The following DNER variants were observed in gnomAD, a reference collection of about 807,000 sequenced individuals.
The protein encoded by DNER is delta/notch like EGF repeat containing.
In DNER, 33 loss-of-function variants were observed where a neutral mutation model predicts 78.2. The observed-to-expected ratio is 0.42, with a 90% CI of 0.32 to 0.56. The LOEUF (loss-of-function observed/expected upper bound fraction) is 0.56. DNER is among the 20% of genes least tolerant of loss of function. DNER has a pLI of 0.11. For synonymous variants in DNER, 417 were observed against 384.8 expected (o/e 1.08, Z -0.98); for missense variants, 918 against 975.3 (o/e 0.94, Z 0.78).
intron 10 of DNER, among the ~76,000 whole-genome samples, chr2:229,395,227 G>T (rs1693109038): frequency 6.6e-6 from 1 of 152,206 alleles, no homozygotes. Flanking sequence ...CTTAGAGGTG[G>T]TTGATGGCAC....
chr2:229,528,288 T>C (rs557237783), intron 5 of DNER, among the ~76,000 whole-genome samples: 42 of 152,314 alleles, frequency 2.8e-4, no homozygotes, highest in African/African-American at 9.1e-4. Context: ...AAGGTGACTG[T>C]TGACGGAGGC....
chr2:229,492,933 A>G (rs1695431578), intron 6 of DNER, among the ~76,000 whole-genome samples: 1 of 152,132 alleles, frequency 6.6e-6, no homozygotes, highest in African/African-American at 2.4e-5. Context: ...AACTTCCCAA[A>G]GCGCTGGGAT....
rs1553541839 is a variant in DNER, at chr2:229,588,495, A to AG, written c.586-8dup. The AG allele has an allele frequency of 0.018, 22,595 of 1,268,396 alleles. 98 individuals carry two copies. The highest frequency in any genetic ancestry group is 0.022 in the Non-Finnish European group (20,230 of 936,446). 78.6% of individuals were successfully genotyped at this position (1,268,396 alleles called of 1,614,324 possible). On this transcript the variant is annotated splice_region_variant and splice_polypyrimidine_tract_variant and intron_variant, in intron 2 of 12. Transcript: ENST00000341772. ...AGGCAATATCTGGGATCACCTGGGA[A>AG]GGGAAAAAAAAAACGACATATGATT...
At chr2:229,541,179 C>T (rs1329673976) in intron 5 of DNER, among the ~76,000 whole-genome samples, 3 of 152,160 alleles carry the variant, frequency 2.0e-5, no homozygotes. Context: ...CCACAATCTG[C>T]TCTGGCATCA....
At chr2:229,574,043 G>A (rs761520240) in intron 4 of DNER, among the ~76,000 whole-genome samples, 3 of 152,264 alleles carry the variant, frequency 2.0e-5, no homozygotes, top group Non-Finnish European at 2.9e-5. Context: ...TCTTAAGGAC[G>A]TTGCTAAAAA....
intron 1 of DNER, among the ~76,000 whole-genome samples, chr2:229,687,326 C>T (rs1447195292): frequency 4.1e-5 from 6 of 147,768 alleles, no homozygotes; most frequent in African/African-American, 1.0e-4. Context: ...TGTAGTGGCA[C>T]GATCTCGGTT....
chr2:229,701,077 G>A (rs968520241), intron 1 of DNER, among the ~76,000 whole-genome samples: 3 of 152,162 alleles, frequency 2.0e-5, no homozygotes, highest in Non-Finnish European at 4.4e-5. Flanking sequence ...CAGCAAAATG[G>A]AAACAGTGAT....
intron 11 of DNER, among the ~76,000 whole-genome samples, chr2:229,370,180 A>C (rs546102238): frequency 6.6e-6 from 1 of 152,328 alleles, no homozygotes; most frequent in African/African-American, 2.4e-5. Context: ...CAGTCTGAAG[A>C]AGAGCACAGA....
At chr2:229,387,216 T>C (rs992189843) in intron 11 of DNER, among the ~76,000 whole-genome samples, 1 of 151,928 alleles carries the variant, frequency 6.6e-6, no homozygotes, top group African/African-American at 2.4e-5. Flanking sequence ...CTCAGCAAAC[T>C]AACACAGGAA....
At chr2:229,531,821 A>T (rs1395285839) in intron 5 of DNER, among the ~76,000 whole-genome samples, 1 of 152,230 alleles carries the variant, frequency 6.6e-6, no homozygotes, top group Non-Finnish European at 1.5e-5. Flanking sequence ...TTACTCAGCC[A>T]TATAAAGTAG....
chr2:229,454,709 T>A (rs953389500), intron 7 of DNER, among the ~76,000 whole-genome samples: 5 of 151,858 alleles, frequency 3.3e-5, no homozygotes, highest in Non-Finnish European at 7.4e-5. Flanking sequence ...TGCTATTAAA[T>A]CAAGGATCTG....
chr2:229,470,707 G>A (rs1272891821), intron 7 of DNER, among the ~76,000 whole-genome samples: 1 of 151,988 alleles, frequency 6.6e-6, no homozygotes, highest in Non-Finnish European at 1.5e-5. Flanking sequence ...AAAATTAGCC[G>A]GGTGTGGTGA....
At chr2:229,426,527 G>A (rs1373327167) in intron 8 of DNER, among the ~76,000 whole-genome samples, 3 of 151,618 alleles carry the variant, frequency 2.0e-5, no homozygotes, top group African/African-American at 7.3e-5. Flanking sequence ...TCAAATTCTG[G>A]CTAAACTCAC....
intron 1 of DNER, among the ~76,000 whole-genome samples, chr2:229,606,909 CCAA>C (rs977303610): frequency 2.0e-5 from 3 of 152,066 alleles, no homozygotes; most frequent in East Asian, 1.9e-4. Context: ...ACCACCACCA[CCAA>C]CAACAACAAC....
At chr2:229,368,213 A>G (rs1692396025) in intron 11 of DNER, among the ~76,000 whole-genome samples, 1 of 152,168 alleles carries the variant, frequency 6.6e-6, no homozygotes, top group Non-Finnish European at 1.5e-5. Flanking sequence ...AAATACAAAA[A>G]TTAGCCAGGC....
chr2:229,526,449 C>T (rs1696210407), intron 5 of DNER, among the ~76,000 whole-genome samples: 1 of 152,194 alleles, frequency 6.6e-6, no homozygotes, highest in Admixed American at 6.5e-5. Context: ...GGTTAATACC[C>T]TAGAGCAGCA....
intron 1 of DNER, among the ~76,000 whole-genome samples, chr2:229,629,488 C>T (rs1698398927): frequency 6.6e-6 from 1 of 152,060 alleles, no homozygotes; most frequent in South Asian, 2.1e-4. Flanking sequence ...AATTGTTGCC[C>T]CCATTTGAAT....
intron 1 of DNER, among the ~76,000 whole-genome samples, chr2:229,640,630 T>A (rs150116091): frequency 2.0e-5 from 3 of 152,326 alleles, no homozygotes; most frequent in Non-Finnish European, 4.4e-5. Context: ...TCAAAACATG[T>A]TCTACGCGTC....
At chr2:229,581,764 GTA>G (rs1697401011) in intron 4 of DNER, among the ~76,000 whole-genome samples, 1 of 152,198 alleles carries the variant, frequency 6.6e-6, no homozygotes, top group South Asian at 2.1e-4. Flanking sequence ...CTTTTAAAGA[GTA>G]TTTGTGTAAA....
Sources: allele counts gnomAD v4.1 joint callset (sites outside exome capture counted in the v4.1 genomes callset), GRCh38; gene constraint gnomAD v4.1.1; transcripts MANE v1.5; gene names NCBI Gene and HGNC (gene_info 2026-07-23, HGNC 2026-07-21).